Variants in SYT3 observed in about 807,000 individuals in gnomAD.
SYT3 encodes synaptotagmin 3, also known as synaptotagmin-3.
Under a neutral mutation model 50.6 loss-of-function variants are expected in SYT3, and 25 were observed. The ratio of observed to expected loss-of-function variants is 0.49; its 90% CI spans 0.36 to 0.69. The LOEUF is 0.69. Ranked by LOEUF, SYT3 falls within the 30% of genes least tolerant of loss-of-function variation. The pLI is 0.00. For missense variants in SYT3, 589 were observed against 793.6 expected (o/e 0.74, Z 3.10); for synonymous variants, 323 against 353.9 (o/e 0.91, Z 0.98).
At chr19:50,651,671 C>T in the SYT3 span, among the ~76,000 whole-genome samples, 1 of 151,696 alleles carries the variant, frequency 6.6e-6, no homozygotes, top group South Asian at 2.1e-4. Flanking sequence ...CCATGACCCT[C>T]CAACCTGGGC....
the SYT3 span, chr19:50,649,491 C>T: frequency 2.6e-6 from 4 of 1,536,210 alleles, no homozygotes; most frequent in Middle Eastern, 3.3e-4. Flanking sequence ...ATGGGCAGCC[C>T]CACCATGCAC....
Position 50,629,485 on chromosome 19 carries a change from A to C in SYT3, c.1090T>G (p.Phe364Val). 6.2e-7 allele frequency: 1 copy of C among 1,613,856 alleles called. No homozygotes were observed. ...ACCGAGAATTGAAACGTCTCATTGAAGACGGGGTTCAGGGTCTTCCTGTGC... is the reference window on the plus strand; with the variant it reads ...ACCGAGAATTGAAACGTCTCATTGACGACGGGGTTCAGGGTCTTCCTGTGC... ...KVHRKTLNPV[F>V]NETFQFSVPL... The change falls in exon 6 of 11, where the codon TTC (phenylalanine) becomes GTC (valine). Residue 364 changes from phenylalanine to valine, a missense_variant. Coordinates refer to ENST00000600079, the MANE Select transcript of SYT3 (RefSeq NM_001160329.2).
At chr19:50,657,646 C>T in the SYT3 span, among the ~76,000 whole-genome samples, 1 of 152,190 alleles carries the variant, frequency 6.6e-6, no homozygotes, top group African/African-American at 2.4e-5. Flanking sequence ...CAGGCGCATC[C>T]ATTGCAAATT....
At chr19:50,643,985 G>A (rs1984721036), upstream of SYT3, among the ~76,000 whole-genome samples, 1 of 152,130 alleles carries the variant, frequency 6.6e-6, no homozygotes. Flanking sequence ...GAGGGGAAAT[G>A]CTCCAGGGAG....
the SYT3 span, chr19:50,656,120 C>T: frequency 8.5e-6 from 13 of 1,536,036 alleles, no homozygotes; most frequent in East Asian, 2.9e-4. Flanking sequence ...CCATCAAATC[C>T]TCGTGAGTTG....
chr19:50,625,376 C>A lies in SYT3; in HGVS notation c.1574+17G>T. On this transcript the variant is annotated intron_variant, in intron 8 of 10. Transcript: ENST00000600079. The surrounding 1 kb of genome is among the most constrained non-coding windows in gnomAD (Gnocchi z 7.5). ...CCAGCCCTCCTGCCTGACCCCCGCC[C>A]GGGCCGCGCCCCTCACCAGTCGTAG... 1 of 1,542,230 alleles carries A rather than the reference C, an allele frequency of 6.5e-7. No homozygotes were observed. The highest frequency in any genetic ancestry group is 1.7e-4 in the Middle Eastern group (1 of 5,956).
rs1290320793 is a variant in SYT3, at chr19:50,631,163, CTTTCTTTTT to C, written c.675-1001_675-993del. Among the ~76,000 whole-genome samples the C allele has an allele frequency of 2.4e-3, 335 of 142,318 alleles. 6 individuals carry two copies. The highest frequency in any genetic ancestry group is 3.6e-3 in the Admixed American group (51 of 14,238). 93.4% of individuals were successfully genotyped at this position (142,318 alleles called of 152,430 possible). Reference sequence around the variant, plus strand: ...GAAGTTTTCTTTTTCTTTTTTCTTTCTTTCTTTTTTTTTTTTTTTTTTGAGATGGAGTCT... The same window carrying C: ...GAAGTTTTCTTTTTCTTTTTTCTTTCTTTTTTTTTTTTTGAGATGGAGTCT... On this transcript the variant is annotated intron_variant, in intron 4 of 10. Coordinates refer to ENST00000600079, the MANE Select transcript of SYT3 (RefSeq NM_001160329.2).
chr19:50,656,275 G>A, the SYT3 span: 2 of 1,536,060 alleles, frequency 1.3e-6, no homozygotes, highest in Admixed American at 2.0e-5. Context: ...ACTGGACCGA[G>A]AACTCCCGTG....
chr19:50,645,744 G>A, the SYT3 span, among the ~76,000 whole-genome samples: 1 of 152,240 alleles, frequency 6.6e-6, no homozygotes, highest in African/African-American at 2.4e-5. Context: ...AGCCAGGCGT[G>A]GTGTGTGCGC....
At chr19:50,633,066 C>G (rs1197634237) in intron 3 of SYT3, among the ~76,000 whole-genome samples, 1 of 152,174 alleles carries the variant, frequency 6.6e-6, no homozygotes, top group South Asian at 2.1e-4. Flanking sequence ...ACTGCACCCT[C>G]GAACTCTTGG....
At chr19:50,656,587 G>C in the SYT3 span, among the ~76,000 whole-genome samples, 1,037 of 152,242 alleles carry the variant, frequency 6.8e-3, 14 homozygotes, top group African/African-American at 0.024. Flanking sequence ...GAGGGGGGCA[G>C]GGAGGGAGGA....
intron 6 of SYT3, among the ~76,000 whole-genome samples, chr19:50,628,825 CTTTTTT>C (rs11418879): frequency 7.3e-6 from 1 of 136,226 alleles, no homozygotes; most frequent in African/African-American, 2.7e-5. Flanking sequence ...ATTATCTGTT[CTTTTTT>C]TTTTTTTTTT....
chr19:50,632,820 A>T lies in SYT3; in HGVS notation c.149-9T>A. The stretch of plus-strand genomic sequence containing the variant: ...CAGGCTCACGGAGATGTCTGGAGAG[A>T]ACGAGGACAGAGGTAGGGGTCAGGA... On this transcript the variant is annotated splice_polypyrimidine_tract_variant and intron_variant, in intron 3 of 10. Coordinates refer to ENST00000600079, the MANE Select transcript of SYT3 (RefSeq NM_001160329.2). This position sits in a 1 kb window ranked among gnomAD's most constrained non-coding sequence, Gnocchi z 4.7. 1 of 1,494,482 alleles carries T rather than the reference A, an allele frequency of 6.7e-7. No homozygotes were observed. Among genetic ancestry groups the T allele is most frequent in the Non-Finnish European group, 8.9e-7 (1 of 1,124,552 alleles). 92.6% of individuals were successfully genotyped at this position (1,494,482 alleles called of 1,614,324 possible). A position where few individuals can be genotyped will look rare whatever the true frequency, so the allele number is the denominator to read the frequency against.
chr19:50,658,079 C>G, the SYT3 span: 1 of 1,535,904 alleles, frequency 6.5e-7, no homozygotes, highest in Non-Finnish European at 8.7e-7. Flanking sequence ...GAGCAGCATC[C>G]GCTTTGAGAA....
chr19:50,633,135 TC>T (rs1312258234), intron 3 of SYT3, among the ~76,000 whole-genome samples: 1 of 152,118 alleles, frequency 6.6e-6, no homozygotes, highest in Non-Finnish European at 1.5e-5. Context: ...GTATGTGCTA[TC>T]ACACCTGGCT....
At chr19:50,657,424 C>T in the SYT3 span, among the ~76,000 whole-genome samples, 1 of 152,188 alleles carries the variant, frequency 6.6e-6, no homozygotes, top group African/African-American at 2.4e-5. Flanking sequence ...ATTTTATGTG[C>T]TATGACAACT....
chr19:50,643,435 T>C (rs188287008), upstream of SYT3, among the ~76,000 whole-genome samples: 129 of 151,730 alleles, frequency 8.5e-4, no homozygotes, highest in African/African-American at 3.0e-3. Flanking sequence ...CACTCCAGCC[T>C]GGATGTCAGA....
the SYT3 span, among the ~76,000 whole-genome samples, chr19:50,646,246 G>A: frequency 6.6e-6 from 1 of 152,198 alleles, no homozygotes; most frequent in Non-Finnish European, 1.5e-5. Context: ...AGGAAGGCAA[G>A]AGATAAGGAA....
In SYT3 at chr19:50,629,457, G is replaced by C. The variant is rs750630684; in HGVS notation, c.1118C>G (p.Pro373Arg). ...TTTGCGTTGGGCCAGCTCGGCCAGGGGCACCGAGAATTGAAACGTCTCATT... is the reference window on the plus strand; with the variant it reads ...TTTGCGTTGGGCCAGCTCGGCCAGGCGCACCGAGAATTGAAACGTCTCATT... ...VFNETFQFSV[P>R]LAELAQRKLH... is the part of the protein sequence containing the mutation. Residue 373 changes from proline to arginine, a missense_variant, in exon 6 of 11, where the codon CCC (proline) becomes CGC (arginine). By Grantham distance (103) the Pro-to-Arg change is moderately radical (BLOSUM62 -2). Transcript: ENST00000600079. 1.1e-5 allele frequency: 17 copies of C among 1,613,922 alleles called. 1 individual carries two copies. The Admixed American group carries it at 1.8e-4, about 17-fold the overall frequency.
Sources: allele counts gnomAD v4.1 joint callset (sites outside exome capture counted in the v4.1 genomes callset), GRCh38; gene constraint gnomAD v4.1.1; non-coding constraint Gnocchi (gnomAD v3.1); transcripts MANE v1.5; gene names NCBI Gene and HGNC (gene_info 2026-07-23, HGNC 2026-07-21).